POP1: variants seen among roughly 807,000 people sequenced by gnomAD.
POP1 encodes the protein ribonucleases P/MRP protein subunit POP1.
A neutral mutation model predicts 102.2 loss-of-function variants in POP1; 75 were observed. That is an observed-to-expected ratio of 0.73 (90% CI 0.61 to 0.89). The LOEUF is 0.89. POP1 is among the 40% of genes least tolerant of loss of function. The probability of loss-of-function intolerance (pLI) is 0.00; values close to 1 mark genes in which losing one functional copy is unlikely to be tolerated. For synonymous variants in POP1, 436 were observed against 464.1 expected (o/e 0.94, Z 0.78); for missense variants, 1,116 against 1,267.4 (o/e 0.88, Z 1.81).
intron 2 of POP1, among the ~76,000 whole-genome samples, chr8:98,126,001 A>G (rs1816193097): frequency 6.6e-6 from 1 of 150,528 alleles, no homozygotes; most frequent in Admixed American, 6.6e-5. Context: ...ATGTGCCATT[A>G]TGCCCAGCAA....
In POP1 at chr8:98,136,636, A is replaced by G. The variant is rs1329078395; in HGVS notation, c.1166A>G (p.Asp389Gly). 1 of 1,613,952 alleles carries G rather than the reference A, an allele frequency of 6.2e-7. No individual in the cohort carries two copies. ...GGCAAGAAAAGAAAAAGGAAAGATG[A>G]TGGAGAAAATGCTAAACCAATTAAA... ...KIGKKRKRKD[D>G]GENAKPIKKI... Residue 389 changes from aspartate (D) to glycine (G), a missense_variant, in exon 8 of 16, where the codon GAT becomes GGT. Coordinates refer to ENST00000401707, the MANE Select transcript of POP1 (RefSeq NM_001145860.2).
intron 15 of POP1, among the ~76,000 whole-genome samples, chr8:98,157,057 A>T (rs538789309): frequency 1.3e-5 from 2 of 151,580 alleles, no homozygotes; most frequent in South Asian, 4.2e-4. Flanking sequence ...ACATGCCACC[A>T]CGCCTGGCTA....
At chr8:98,140,632 A>G (rs1238097879) in intron 10 of POP1, 137 bp from the exon 11 acceptor site, 3 of 838,216 alleles carry the variant, frequency 3.6e-6, no homozygotes, top group African/African-American at 1.7e-5. Flanking sequence ...ATCAATGGGA[A>G]GAGAGGGAAT....
At chr8:98,122,288 T>C (rs2130573740) in intron 1 of POP1, among the ~76,000 whole-genome samples, 1 of 152,314 alleles carries the variant, frequency 6.6e-6, no homozygotes, top group Admixed American at 6.5e-5. Flanking sequence ...TACCTTCTCT[T>C]TGAGGCACTG....
At chr8:98,125,631 C>G (rs1469171622) in intron 2 of POP1, among the ~76,000 whole-genome samples, 3 of 152,066 alleles carry the variant, frequency 2.0e-5, no homozygotes, top group Admixed American at 1.3e-4. Flanking sequence ...ACCTCTGCCT[C>G]CCGGGTTCAA....
At position 98,135,620 on chromosome 8, in the gene POP1, C is replaced by T. The variant is rs575707943; in HGVS notation, c.1012-862C>T. On this transcript the variant is annotated intron_variant, in intron 7 of 15. Coordinates refer to ENST00000401707, the MANE Select transcript of POP1 (RefSeq NM_001145860.2). Reference sequence around the variant, plus strand: ...TTAACCCATTTGAAATTTTCAGTTTCAAAATTTTTTTTTGTTTAAAGTGGC... The same window carrying T: ...TTAACCCATTTGAAATTTTCAGTTTTAAAATTTTTTTTTGTTTAAAGTGGC... 8.0e-4 allele frequency among the ~76,000 whole-genome samples: 121 copies of T among 152,148 alleles called. 2 individuals carry two copies. In the South Asian group the frequency reaches 0.015, roughly 19 times the overall value.
chr8:98,123,193 C>A, intron 1 of POP1, 143 bp from the exon 2 acceptor site: 1 of 871,690 alleles, frequency 1.1e-6, no homozygotes, highest in Non-Finnish European at 1.7e-6. Context: ...AATTATTTGA[C>A]AGTGCAAACT....
In POP1 at chr8:98,130,237, C is replaced by A. The variant is rs2130590616; in HGVS notation, c.735+11C>A. The A allele has an allele frequency of 6.2e-7, 1 of 1,614,080 alleles. No homozygotes were observed. Among genetic ancestry groups the A allele is most frequent in the African/African-American group, 1.3e-5 (1 of 75,032 alleles). ...CGGTGCCTCCTGCAGGTGAGCTTTT[C>A]CAGTGGGCTTTTTTTGTTATTTTTG... On this transcript the variant is annotated intron_variant, in intron 5 of 15. Coordinates refer to ENST00000401707, the MANE Select transcript of POP1 (RefSeq NM_001145860.2).
At position 98,130,079 on chromosome 8, in the gene POP1, AAAG is replaced by A. The variant is rs1586232067; in HGVS notation, c.594_596del (p.Lys198del). On this transcript the variant is annotated inframe_deletion, in exon 5 of 16. Transcript: ENST00000401707. ...GGACGCTAGAATTTAACCGTAGACAAAAGAAGAACATTTGGTTAGAAACTCACA... is the reference window on the plus strand; with the variant it reads ...GGACGCTAGAATTTAACCGTAGACAAAAGAACATTTGGTTAGAAACTCACA... 1 of 1,614,224 alleles carries A rather than the reference AAAG, an allele frequency of 6.2e-7. No individual in the cohort carries two copies. Among genetic ancestry groups the A allele is most frequent in the Non-Finnish European group, 8.5e-7 (1 of 1,180,046 alleles).
intron 13 of POP1, among the ~76,000 whole-genome samples, 170 bp from the exon 14 acceptor site, chr8:98,150,315 C>A (rs1238319375): frequency 6.6e-6 from 1 of 152,144 alleles, no homozygotes; most frequent in Non-Finnish European, 1.5e-5. Flanking sequence ...TGAAGCATGA[C>A]GAAGCTCGAT....
At position 98,156,416 on chromosome 8, in the gene POP1, A is replaced by G; in HGVS notation, c.2420+4A>G. On this transcript the variant is annotated splice_donor_region_variant and intron_variant, in intron 15 of 15. Coordinates refer to ENST00000401707, the MANE Select transcript of POP1 (RefSeq NM_001145860.2). ...GGAGTCACCTCTGCGTTCTCAGGTA[A>G]GTGTCGGTGACTTCTGGGTACATTT... 1.9e-6 allele frequency: 3 copies of G among 1,613,414 alleles called. No homozygotes were observed. Among genetic ancestry groups the G allele is most frequent in the Non-Finnish European group, 2.5e-6 (3 of 1,179,886 alleles).
intron 3 of POP1, 83 bp from the exon 4 acceptor site, chr8:98,128,282 A>C: frequency 7.5e-7 from 1 of 1,341,136 alleles, no homozygotes. Flanking sequence ...GGAGGAATTC[A>C]GTTAAGTTTC....
rs139815001 is a variant in POP1, at chr8:98,154,691, G to A, written c.2058-1359G>A. Among the ~76,000 whole-genome samples, 288 of 152,232 alleles carry A rather than the reference G, an allele frequency of 1.9e-3. 1 individual carries two copies. Among genetic ancestry groups the A allele is most frequent in the East Asian group, 3.7e-3 (19 of 5,174 alleles). ...TGGTGCAGGGGAAGGCAGCATGACC[G>A]TCAAGATCATTAATTGCAGCCTTGT... On this transcript the variant is annotated intron_variant, in intron 14 of 15. Transcript: ENST00000401707.
At chr8:98,124,422 C>A (rs1816134377) in intron 2 of POP1, among the ~76,000 whole-genome samples, 1 of 151,990 alleles carries the variant, frequency 6.6e-6, no homozygotes, top group Admixed American at 6.6e-5. Flanking sequence ...ATTAGCCAGA[C>A]ATGGTGGTGT....
chr8:98,146,474 T>C (rs1190285032), intron 11 of POP1, 94 bp from the exon 12 acceptor site: 25 of 875,512 alleles, frequency 2.9e-5, no homozygotes, highest in Non-Finnish European at 4.9e-5. Context: ...CTATGAAATA[T>C]TGTTTTGTAA....
chr8:98,148,442 C>G (rs896856854), intron 12 of POP1, among the ~76,000 whole-genome samples: 1 of 152,158 alleles, frequency 6.6e-6, no homozygotes, highest in Non-Finnish European at 1.5e-5. Context: ...TCTCTAGTTG[C>G]CCATCCTTGA....
chr8:98,124,946 A>G (rs1442327900), intron 2 of POP1, among the ~76,000 whole-genome samples: 3 of 152,182 alleles, frequency 2.0e-5, no homozygotes, highest in Non-Finnish European at 4.4e-5. Flanking sequence ...AGTGCTTTAA[A>G]AAACTGCATT....
chr8:98,127,588 A>G lies in POP1; in HGVS notation c.143-7A>G. On this transcript the variant is annotated splice_polypyrimidine_tract_variant and splice_region_variant and intron_variant, in intron 2 of 15. Coordinates refer to ENST00000401707, the MANE Select transcript of POP1 (RefSeq NM_001145860.2). ...AGGTGACATGTTTCTTTTTGAAAAT[A>G]TACTAGAGCCTCATCCTGGAACTTC... is the stretch of plus-strand genomic sequence containing the variant. 3 of 1,614,136 alleles carry G rather than the reference A, an allele frequency of 1.9e-6. No homozygotes were observed. Among genetic ancestry groups the G allele is most frequent in the African/African-American group, 1.3e-5 (1 of 75,042 alleles).
chr8:98,145,535 C>T (rs1816819975), intron 11 of POP1, among the ~76,000 whole-genome samples: 1 of 152,106 alleles, frequency 6.6e-6, no homozygotes, highest in South Asian at 2.1e-4. Context: ...GTTCCCCTTC[C>T]TGCTTGAGTA....
Sources: gnomAD v4.1 joint callset for allele counts (sites outside exome capture counted in the v4.1 genomes callset) on GRCh38, gnomAD v4.1.1 for gene constraint, MANE v1.5 for transcripts, NCBI Gene and HGNC (gene_info 2026-07-23, HGNC 2026-07-21) for gene names.